The following ATP8B1 variants were observed in gnomAD, a reference collection of about 807,000 sequenced individuals.
ATP8B1 encodes the protein ATPase phospholipid transporting 8B1.
ATP8B1 carries 80 observed loss-of-function variants against 149.9 expected under a neutral mutation model. The observed-to-expected ratio is 0.53, with a 90% CI of 0.45 to 0.64. The LOEUF is 0.64. Among genes scored for constraint, ATP8B1 ranks in the 30% least tolerant of loss-of-function variants. ATP8B1 has a pLI of 0.00. For synonymous variants in ATP8B1, 536 were observed against 562.8 expected, an observed-to-expected ratio of 0.95 and a Z score of 0.67; for missense variants, 1,247 against 1,552.6, an observed-to-expected ratio of 0.80 and a Z score of 3.31.
intron 2 of ATP8B1, among the ~76,000 whole-genome samples, chr18:57,717,341 C>T (rs756326716): frequency 1.4e-4 from 21 of 151,572 alleles, no homozygotes; most frequent in Non-Finnish European, 2.8e-4. Context: ...GTCAGGAGAT[C>T]GAGACCATCC....
chr18:57,695,621 T>A, intron 8 of ATP8B1, 89 bp from the exon 9 acceptor site: 1 of 960,244 alleles, frequency 1.0e-6, no homozygotes, highest in Non-Finnish European at 1.7e-6. Flanking sequence ...TAGCCATACC[T>A]GGACATGAAG....
chr18:57,748,894 A>C (rs2079990395), intron 1 of ATP8B1, among the ~76,000 whole-genome samples: 1 of 152,258 alleles, frequency 6.6e-6, no homozygotes, highest in African/African-American at 2.4e-5. Context: ...TGTTTAATGC[A>C]AATAAGGCCA....
intron 8 of ATP8B1, 74 bp downstream of exon 8, chr18:57,697,544 A>G: frequency 2.6e-6 from 4 of 1,513,852 alleles, no homozygotes; most frequent in Non-Finnish European, 3.7e-6. Context: ...TCTGGTCCAC[A>G]ATGCCCCGAT....
At position 57,791,914 on chromosome 18, in the gene ATP8B1, G is replaced by A. The variant is rs147075464; in HGVS notation, c.-26+11084C>T. Among the ~76,000 whole-genome samples, 390 of 152,304 alleles carry A rather than the reference G, an allele frequency of 2.6e-3. 4 individuals carry two copies. Among genetic ancestry groups the A allele is most frequent in the Middle Eastern group, 0.01 (3 of 294 alleles). ...CTCTCAACAACCCCATAAGCTCCCT[G>A]AGGGGAAGGGCATGTCTGCTTTGCT... On this transcript the variant is annotated intron_variant, in intron 1 of 27. Coordinates refer to ENST00000648908, the MANE Select transcript of ATP8B1 (RefSeq NM_001374385.1).
chr18:57,697,553 A>C, intron 8 of ATP8B1, 65 bp downstream of exon 8: 1 of 1,553,090 alleles, frequency 6.4e-7, no homozygotes, highest in South Asian at 1.1e-5. Context: ...CAATGCCCCG[A>C]TTTCAGTGGA....
chr18:57,732,227 A>G (rs201936719), intron 1 of ATP8B1, among the ~76,000 whole-genome samples: 1 of 41,964 alleles, frequency 2.4e-5, no homozygotes, highest in African/African-American at 7.7e-5. Context: ...GTATATATGT[A>G]TATATGTGTA....
chr18:57,762,284 G>C (rs2080165794), intron 1 of ATP8B1, among the ~76,000 whole-genome samples: 1 of 151,840 alleles, frequency 6.6e-6, no homozygotes, highest in Non-Finnish European at 1.5e-5. Context: ...GACTACAGGT[G>C]CCCGCCAACA....
chr18:57,761,365 C>T (rs957354528), intron 1 of ATP8B1, among the ~76,000 whole-genome samples: 3 of 152,138 alleles, frequency 2.0e-5, no homozygotes, highest in African/African-American at 7.2e-5. Context: ...ATTCTCTACT[C>T]TAGCATGGCA....
At position 57,756,252 on chromosome 18, in the gene ATP8B1, CATAT is replaced by C. The variant is rs377153328; in HGVS notation, c.-25-24424_-25-24421del. Among the ~76,000 whole-genome samples the C allele has an allele frequency of 4.6e-4, 50 of 108,986 alleles. 1 individual carries two copies. The highest frequency in any genetic ancestry group is 1.3e-3 in the African/African-American group (33 of 25,292). 71.5% of individuals were successfully genotyped at this position (108,986 alleles called of 152,430 possible). On this transcript the variant is annotated intron_variant, in intron 1 of 27. Transcript: ENST00000648908. ...ACACACACACATATATACACACACA[CATAT>C]ATATATATGAAATATTTACACAACA...
chr18:57,777,462 A>G (rs1270775030), intron 1 of ATP8B1, among the ~76,000 whole-genome samples: 3 of 152,244 alleles, frequency 2.0e-5, no homozygotes, highest in Non-Finnish European at 2.9e-5. Flanking sequence ...AAACACAAAG[A>G]TGATTTCTAA....
At chr18:57,722,204 A>G (rs2079653783) in intron 2 of ATP8B1, among the ~76,000 whole-genome samples, 1 of 151,890 alleles carries the variant, frequency 6.6e-6, no homozygotes, top group African/African-American at 2.4e-5. Context: ...AAGCAAGAGC[A>G]AACACATTCA....
chr18:57,701,782 G>A (rs866875242), intron 4 of ATP8B1, among the ~76,000 whole-genome samples: 6 of 150,694 alleles, frequency 4.0e-5, no homozygotes, highest in Non-Finnish European at 8.8e-5. Context: ...TGCAACCTCC[G>A]CCTCCCAGGC....
intron 2 of ATP8B1, among the ~76,000 whole-genome samples, chr18:57,721,688 C>T (rs1434140448): frequency 2.4e-5 from 3 of 124,556 alleles, no homozygotes; most frequent in Non-Finnish European, 3.3e-5. Context: ...GACAGATCAA[C>T]GAGACAGAAA....
chr18:57,751,745 C>T (rs1284559560), intron 1 of ATP8B1, among the ~76,000 whole-genome samples: 1 of 152,208 alleles, frequency 6.6e-6, no homozygotes, highest in Non-Finnish European at 1.5e-5. Context: ...CCTTCTGCTC[C>T]CTCACAAGTA....
chr18:57,658,389 G>A (rs1230420355), intron 22 of ATP8B1, among the ~76,000 whole-genome samples: 1 of 152,080 alleles, frequency 6.6e-6, no homozygotes, highest in East Asian at 1.9e-4. Flanking sequence ...CATTCTCAGG[G>A]TCTAAGACCA....
At chr18:57,754,018 A>G (rs908645844) in intron 1 of ATP8B1, among the ~76,000 whole-genome samples, 11 of 151,694 alleles carry the variant, frequency 7.3e-5, no homozygotes, top group Non-Finnish European at 1.6e-4. Flanking sequence ...ATAGAAAACT[A>G]TAATGTTTTA....
chr18:57,707,031 G>C (rs750303671), intron 2 of ATP8B1, among the ~76,000 whole-genome samples: 4 of 152,214 alleles, frequency 2.6e-5, no homozygotes, highest in Non-Finnish European at 5.9e-5. Flanking sequence ...AGCAGGCCGG[G>C]CGCGGTGGCT....
At chr18:57,742,162 G>A (rs1266331816) in intron 1 of ATP8B1, among the ~76,000 whole-genome samples, 1 of 152,080 alleles carries the variant, frequency 6.6e-6, no homozygotes, top group African/African-American at 2.4e-5. Context: ...GAGCCACCAC[G>A]CCTGGCCAAT....
rs370768567 is a variant in ATP8B1, at chr18:57,698,848, A to G, written c.555-981T>C. Among the ~76,000 whole-genome samples, 30 of 152,284 alleles carry G rather than the reference A, an allele frequency of 2.0e-4. No individual in the cohort carries two copies. The East Asian group carries it at 5.2e-3, about 26-fold the overall frequency. On this transcript the variant is annotated intron_variant, in intron 6 of 27. Coordinates refer to ENST00000648908, the MANE Select transcript of ATP8B1 (RefSeq NM_001374385.1). The stretch of plus-strand genomic sequence containing the variant: ...ACATCTTTCCCCACATTCCCTCGCT[A>G]AAGTGAATTTTCCCTTCCCTGTACT...
Sources: gnomAD v4.1 joint callset for allele counts (sites outside exome capture counted in the v4.1 genomes callset) on GRCh38, gnomAD v4.1.1 for gene constraint, MANE v1.5 for transcripts, NCBI Gene and HGNC (gene_info 2026-07-23, HGNC 2026-07-21) for gene names.